Variants in WDR7 observed in about 807,000 individuals in gnomAD.
WDR7 encodes the protein WD repeat-containing protein 7.
Under a neutral mutation model 169.4 loss-of-function variants are expected in WDR7, and 46 were observed. That is an observed-to-expected ratio of 0.27 (90% CI 0.21 to 0.35). The LOEUF (loss-of-function observed/expected upper bound fraction) is 0.35. Ranked by LOEUF, WDR7 falls within the 10% of genes least tolerant of loss-of-function variation. WDR7 has a pLI of 1.00. For missense variants in WDR7, 1,534 were observed against 1,859.3 expected (o/e 0.83, Z 3.22); for synonymous variants, 612 against 666.8 (o/e 0.92, Z 1.27).
intron 14 of WDR7, among the ~76,000 whole-genome samples, chr18:56,737,935 T>C (rs1241766196): frequency 6.6e-6 from 1 of 152,214 alleles, no homozygotes; most frequent in Non-Finnish European, 1.5e-5. Context: ...AATATTTTAA[T>C]AGAAAATATG....
At position 56,696,399 on chromosome 18, in the gene WDR7, A is replaced by C. The variant is rs746300146; in HGVS notation, c.1515A>C (p.Lys505Asn). 2.5e-6 allele frequency: 4 copies of C among 1,614,038 alleles called. No individual in the cohort carries two copies. The African/African-American group carries it at 5.3e-5, about 22-fold the overall frequency. Residue 505 changes from lysine to asparagine, a missense_variant, in exon 12 of 28, where the codon AAA becomes AAC. Lys to Asn is a moderately conservative substitution (Grantham distance 94, BLOSUM62 0). Coordinates refer to ENST00000254442, the MANE Select transcript of WDR7 (RefSeq NM_015285.3). ...GGGACATATTTTCTGGAGAAATGAA[A>C]CATATCTTCTGTGTTCATGGTGGTG... ...IIWDIFSGEM[K>N]HIFCVHGGEI...
At chr18:56,881,260 G>A (rs2046103977) in intron 21 of WDR7, among the ~76,000 whole-genome samples, 1 of 152,156 alleles carries the variant, frequency 6.6e-6, no homozygotes, top group Non-Finnish European at 1.5e-5. Flanking sequence ...TTGAGAATCA[G>A]AGTAATAACG....
At chr18:56,835,675 ATATT>A (rs1267890568) in intron 20 of WDR7, among the ~76,000 whole-genome samples, 1 of 152,180 alleles carries the variant, frequency 6.6e-6, no homozygotes, top group African/African-American at 2.4e-5. Context: ...TTTGTGACAA[ATATT>A]TATTGGTGGA....
intron 22 of WDR7, among the ~76,000 whole-genome samples, chr18:56,935,479 C>CTT (rs1299387125): frequency 6.6e-6 from 1 of 152,150 alleles, no homozygotes; most frequent in East Asian, 1.9e-4. Context: ...AATATTCGTT[C>CTT]TTACCTCATT....
chr18:56,773,342 AG>A, intron 16 of WDR7, among the ~76,000 whole-genome samples: 1 of 138,944 alleles, frequency 7.2e-6, no homozygotes, highest in Non-Finnish European at 1.5e-5. Flanking sequence ...TTTAAAGAGA[AG>A]TTTTTTTTTT....
chr18:56,734,850 G>A (rs1353292996), intron 14 of WDR7, among the ~76,000 whole-genome samples: 1 of 151,870 alleles, frequency 6.6e-6, no homozygotes, highest in Non-Finnish European at 1.5e-5. Flanking sequence ...AATACTCAAT[G>A]TAGTATAACT....
At chr18:56,984,762 T>C (rs749727375) in intron 26 of WDR7, among the ~76,000 whole-genome samples, 1 of 152,172 alleles carries the variant, frequency 6.6e-6, no homozygotes, top group African/African-American at 2.4e-5. Context: ...GGAAGCCTCT[T>C]TGAAGGATGA....
chr18:56,794,377 T>A (rs2044548156), intron 19 of WDR7, among the ~76,000 whole-genome samples: 1 of 138,776 alleles, frequency 7.2e-6, no homozygotes, highest in Non-Finnish European at 1.5e-5. Flanking sequence ...TGGCGTGATC[T>A]TGGCTCAATG....
intron 21 of WDR7, among the ~76,000 whole-genome samples, chr18:56,907,821 A>G (rs1229107387): frequency 6.6e-6 from 1 of 152,034 alleles, no homozygotes; most frequent in Admixed American, 6.6e-5. Context: ...TTGTAAAGGC[A>G]CTAATCTCAT....
intron 4 of WDR7, among the ~76,000 whole-genome samples, chr18:56,682,447 G>A (rs2144576439): frequency 6.6e-6 from 1 of 152,232 alleles, no homozygotes; most frequent in South Asian, 2.1e-4. Flanking sequence ...GGGAGGATAA[G>A]ATGTTAGGAA....
Position 56,681,392 on chromosome 18 carries a change from G to A in WDR7, c.345+1G>A, listed in dbSNP as rs778885911. ...AGCTTGCACACATACTGGCATACAG[G>A]TTAGTTTCTATTTCTGTGACTCTAA... is the stretch of plus-strand genomic sequence containing the variant. On this transcript the variant is annotated splice_donor_variant, in intron 4 of 27. Transcript: ENST00000254442. LOFTEE classifies it high-confidence loss of function. 1.3e-6 allele frequency: 2 copies of A among 1,564,922 alleles called. No individual in the cohort carries two copies. Among genetic ancestry groups the A allele is most frequent in the African/African-American group, 2.8e-5 (2 of 71,820 alleles).
intron 20 of WDR7, among the ~76,000 whole-genome samples, chr18:56,870,570 CAT>C (rs1230182160): frequency 6.6e-6 from 1 of 152,114 alleles, no homozygotes; most frequent in African/African-American, 2.4e-5. Context: ...ATAGAATTAA[CAT>C]ATTTGATTAC....
chr18:56,767,259 A>G (rs1208321098), intron 16 of WDR7, among the ~76,000 whole-genome samples: 2 of 152,192 alleles, frequency 1.3e-5, no homozygotes, highest in Non-Finnish European at 2.9e-5. Flanking sequence ...CTTTACAGAC[A>G]TGTACTGATT....
intron 12 of WDR7, among the ~76,000 whole-genome samples, chr18:56,715,194 C>T (rs1388115579): frequency 6.6e-6 from 1 of 152,096 alleles, no homozygotes. Context: ...CCTCTCTCTG[C>T]TAAATTACAA....
intron 21 of WDR7, among the ~76,000 whole-genome samples, chr18:56,891,927 C>T (rs2046269064): frequency 6.6e-6 from 1 of 152,040 alleles, no homozygotes. Flanking sequence ...CATCAGCATA[C>T]TAAGTTCAGA....
At chr18:56,839,906 C>G (rs975810002) in intron 20 of WDR7, among the ~76,000 whole-genome samples, 4 of 151,910 alleles carry the variant, frequency 2.6e-5, no homozygotes, top group Admixed American at 6.6e-5. Context: ...ACTAAAAATA[C>G]AAAAAATTAG....
chr18:56,690,160 T>C (rs2025533491), intron 7 of WDR7, among the ~76,000 whole-genome samples: 1 of 152,218 alleles, frequency 6.6e-6, no homozygotes, highest in African/African-American at 2.4e-5. Flanking sequence ...AGTTTTTAGC[T>C]TTGGCTCTAT....
chr18:56,658,174 G>C (rs182175649), intron 1 of WDR7, among the ~76,000 whole-genome samples: 1 of 152,190 alleles, frequency 6.6e-6, no homozygotes, highest in Non-Finnish European at 1.5e-5. Context: ...TATGATCTCG[G>C]CTCACTGCAA....
At chr18:56,672,399 A>G in intron 1 of WDR7, 98 bp from the exon 2 acceptor site, 1 of 1,021,968 alleles carries the variant, frequency 9.8e-7, no homozygotes. Context: ...TCCCAGGAAT[A>G]TATGATTATT....
Sources: gnomAD v4.1 joint callset for allele counts (sites outside exome capture counted in the v4.1 genomes callset) on GRCh38, gnomAD v4.1.1 for gene constraint, MANE v1.5 for transcripts, NCBI Gene and HGNC (gene_info 2026-07-23, HGNC 2026-07-21) for gene names.